Variants in DNAJB6 observed in about 807,000 individuals in gnomAD.
DNAJB6 encodes the protein DnaJ heat shock protein family (Hsp40) member B6, also known as dnaJ homolog subfamily B member 6.
Under a neutral mutation model 42.7 loss-of-function variants are expected in DNAJB6, and 16 were observed. That is an observed-to-expected ratio of 0.37 (90% CI 0.25 to 0.57). DNAJB6 has a LOEUF of 0.57. DNAJB6 is among the 20% of genes least tolerant of loss of function. The probability of loss-of-function intolerance (pLI) is 0.74; values close to 1 mark genes in which losing one functional copy is unlikely to be tolerated. For missense variants in DNAJB6, 347 were observed against 416.8 expected, an observed-to-expected ratio of 0.83 and a Z score of 1.46; for synonymous variants, 170 against 163.5, an observed-to-expected ratio of 1.04 and a Z score of -0.30.
chr7:157,363,232 T>C lies in DNAJB6; in HGVS notation c.137T>C (p.Phe46Ser). The C allele has an allele frequency of 6.2e-7, 1 of 1,611,512 alleles. No individual in the cohort carries two copies. The highest frequency in any genetic ancestry group is 8.5e-7 in the Non-Finnish European group (1 of 1,179,016). ...AATAAAGAAGAAGCAGAGAGAAAAT[T>C]CAAGCAAGTAGCGGAGGCATATGAA... ...PENKEEAERKFKQVAEAYEVL... is the reference protein window; with the variant it reads ...PENKEEAERKSKQVAEAYEVL... Residue 46 changes from phenylalanine to serine, a missense_variant, in exon 3 of 10, where the codon TTC (phenylalanine) becomes TCC (serine). This residue lies in a region of DNAJB6 where 78 missense variants were observed against 102.1 expected (regional missense o/e 0.76). Transcript: ENST00000262177.
At chr7:157,409,753 C>T (rs890392016) in intron 8 of DNAJB6, 42 bp from the exon 9 acceptor site, 4 of 1,485,152 alleles carry the variant, frequency 2.7e-6, no homozygotes, top group Admixed American at 4.3e-5. Context: ...GGCCGGCCGC[C>T]GCCGCTCACT....
intron 5 of DNAJB6, among the ~76,000 whole-genome samples, chr7:157,368,321 G>C (rs1215610924): frequency 6.6e-6 from 1 of 152,164 alleles, no homozygotes; most frequent in East Asian, 1.9e-4. Context: ...GTTTCCCATT[G>C]AACAACCAAT....
At chr7:157,368,722 C>T (rs538757482) in intron 5 of DNAJB6, 7 of 157,338 alleles carry the variant, frequency 4.4e-5, no homozygotes, top group African/African-American at 1.2e-4. Flanking sequence ...CAGGATTAAA[C>T]ATGTACTCCT....
intron 3 of DNAJB6, among the ~76,000 whole-genome samples, chr7:157,363,699 C>T (rs1001413245): frequency 6.6e-6 from 1 of 152,060 alleles, no homozygotes; most frequent in Non-Finnish European, 1.5e-5. Flanking sequence ...GTCATTAGTT[C>T]CCAAAAAGAG....
intron 8 of DNAJB6, among the ~76,000 whole-genome samples, chr7:157,409,499 C>T (rs915683507): frequency 6.6e-6 from 1 of 152,254 alleles, no homozygotes; most frequent in South Asian, 2.1e-4. Flanking sequence ...CAGTGGGGCA[C>T]ACTCACTCTC....
intron 1 of DNAJB6, among the ~76,000 whole-genome samples, chr7:157,348,341 G>A (rs1254032268): frequency 6.6e-6 from 1 of 151,546 alleles, no homozygotes; most frequent in Non-Finnish European, 1.5e-5. Flanking sequence ...TGATCCACCC[G>A]TCTTGGCCTC....
intron 1 of DNAJB6, among the ~76,000 whole-genome samples, chr7:157,339,187 T>A (rs1248720539): frequency 6.6e-6 from 1 of 151,962 alleles, no homozygotes; most frequent in Non-Finnish European, 1.5e-5. Context: ...CTATTAACTC[T>A]GTTTTGGACA....
chr7:157,346,528 A>G (rs1450630808), intron 1 of DNAJB6, among the ~76,000 whole-genome samples: 3 of 152,132 alleles, frequency 2.0e-5, no homozygotes, highest in African/African-American at 7.2e-5. Context: ...TTTAATATAT[A>G]GTTTTATCAG....
intron 1 of DNAJB6, among the ~76,000 whole-genome samples, chr7:157,350,638 G>A (rs568699681): frequency 7.9e-5 from 12 of 152,064 alleles, no homozygotes; most frequent in Non-Finnish European, 1.5e-4. Context: ...AGAATTTGAG[G>A]AAGACGCCCA....
chr7:157,407,116 G>A (rs1358759949), intron 8 of DNAJB6, among the ~76,000 whole-genome samples: 1 of 152,244 alleles, frequency 6.6e-6, no homozygotes, highest in East Asian at 1.9e-4. Flanking sequence ...GGTCCCAACC[G>A]CAGCTGAGCT....
At chr7:157,372,660 G>T (rs572442550) in intron 5 of DNAJB6, among the ~76,000 whole-genome samples, 1 of 152,122 alleles carries the variant, frequency 6.6e-6, no homozygotes, top group Admixed American at 6.5e-5. Context: ...CGGGCGTCTC[G>T]TAGGCTCTTT....
At chr7:157,387,958 G>C (rs1232097594) in intron 8 of DNAJB6, among the ~76,000 whole-genome samples, 1 of 152,022 alleles carries the variant, frequency 6.6e-6, no homozygotes, top group East Asian at 1.9e-4. Flanking sequence ...CAGTTCTCCT[G>C]CCTCAGCCTC....
At chr7:157,401,072 G>A (rs938936790) in intron 8 of DNAJB6, among the ~76,000 whole-genome samples, 1 of 152,114 alleles carries the variant, frequency 6.6e-6, no homozygotes, top group Non-Finnish European at 1.5e-5. Context: ...GGCAGCTGTC[G>A]GCCTCCTCGC....
At chr7:157,394,542 T>G (rs920514804) in intron 8 of DNAJB6, among the ~76,000 whole-genome samples, 3 of 152,132 alleles carry the variant, frequency 2.0e-5, no homozygotes, top group African/African-American at 7.2e-5. Flanking sequence ...AAAAAAAAGT[T>G]GAAAATATGA....
Position 157,382,296 on chromosome 7 carries a change from A to C in DNAJB6, c.397A>C (p.Arg133=), listed in dbSNP as rs1352437093. The change falls in exon 6 of 10, where the codon AGA becomes CGA. Residue 133 remains arginine (R), a synonymous_variant. Transcript: ENST00000262177. ...GAATCGAAGGGGTCCCCGAGGAAGC[A>C]GAAGCCGAGGGACGGGGTCGTTTTT... ...FGNRRGPRGS[R]SRGTGSFFSA... is the part of the protein sequence containing the mutation. The C allele has an allele frequency of 6.2e-6, 10 of 1,611,972 alleles. No homozygotes were observed. The highest frequency in any genetic ancestry group is 1.7e-5 in the Admixed American group (1 of 59,448).
intron 5 of DNAJB6, chr7:157,369,064 G>C (rs1799983155): frequency 2.8e-6 from 1 of 361,826 alleles, no homozygotes; most frequent in South Asian, 2.1e-5. Flanking sequence ...TTCTGAGGGA[G>C]GAAGGACAGT....
At chr7:157,383,680 T>TAC in intron 6 of DNAJB6, among the ~76,000 whole-genome samples, 1 of 151,896 alleles carries the variant, frequency 6.6e-6, no homozygotes, top group East Asian at 1.9e-4. Flanking sequence ...TGAGGTGCCT[T>TAC]ACAAAGTATC....
intron 9 of DNAJB6, among the ~76,000 whole-genome samples, chr7:157,415,791 G>C (rs990420208): frequency 2.0e-5 from 3 of 152,214 alleles, no homozygotes; most frequent in African/African-American, 7.2e-5. Context: ...GTAGGTGGGA[G>C]TCCTCACTTC....
In DNAJB6 at chr7:157,394,728, C is replaced by T. The variant is rs114989584; in HGVS notation, c.691+9117C>T. ...TGAGTACATTTGTTAAGGATGGGTGCGATTTCCCTCTTGTGAAGAAGCAAC... is the reference window on the plus strand; with the variant it reads ...TGAGTACATTTGTTAAGGATGGGTGTGATTTCCCTCTTGTGAAGAAGCAAC... On this transcript the variant is annotated intron_variant, in intron 8 of 9. Coordinates refer to ENST00000262177, the MANE Select transcript of DNAJB6 (RefSeq NM_058246.4). Among the ~76,000 whole-genome samples the T allele has an allele frequency of 6.1e-3, 935 of 152,180 alleles. 2 individuals are homozygous for T. The highest frequency in any genetic ancestry group is 0.011 in the Non-Finnish European group (719 of 68,022).
Sources: allele counts gnomAD v4.1 joint callset (sites outside exome capture counted in the v4.1 genomes callset), GRCh38; gene constraint gnomAD v4.1.1; regional missense constraint gnomAD v4.1.1; transcripts MANE v1.5; gene names NCBI Gene and HGNC (gene_info 2026-07-23, HGNC 2026-07-21).